ZNF254: variants seen among roughly 807,000 people sequenced by gnomAD.
ZNF254 encodes the protein zinc finger protein 254.
ZNF254 carries 10 observed loss-of-function variants against 12.4 expected under a neutral mutation model. The ratio of observed to expected loss-of-function variants is 0.80; its 90% CI spans 0.50 to 1.36. The LOEUF is 1.36. ZNF254 is among the 40% of genes most tolerant of loss of function. The pLI, the probability that ZNF254 is intolerant of heterozygous loss-of-function variation, is 0.00. For missense variants in ZNF254, 996 were observed against 763.9 expected (o/e 1.30, Z -3.58); for synonymous variants, 305 against 253.4 (o/e 1.20, Z -1.93).
Position 24,058,227 on chromosome 19 carries a change from C to G in ZNF254, c.-94+11948C>G, listed in dbSNP as rs571477430. ...TGTGACACATGCCTCTGTGTAGAAC[C>G]CAAGTGAGTTTTCTCTCCTGTTTGG... On this transcript the variant is annotated intron_variant, in intron 2 of 4. Coordinates refer to the ZNF254 transcript ENST00000613065. Among the ~76,000 whole-genome samples the G allele has an allele frequency of 8.6e-5, 13 of 152,024 alleles. No homozygotes were observed. The South Asian group carries it at 2.1e-3, about 24-fold the overall frequency.
chr19:24,069,641 G>A lies in ZNF254; in HGVS notation c.-94+23362G>A, dbSNP rs191408979. ...AAAAAAAAAAAAGAATATTCTGCCAGGTGTGGTGGCTCACACCTGTAATCT... is the reference window on the plus strand; with the variant it reads ...AAAAAAAAAAAAGAATATTCTGCCAAGTGTGGTGGCTCACACCTGTAATCT... On this transcript the variant is annotated intron_variant, in intron 2 of 4. Transcript: ENST00000613065. Among the ~76,000 whole-genome samples the A allele has an allele frequency of 3.4e-3, 501 of 149,182 alleles. 6 individuals carry two copies. The highest frequency in any genetic ancestry group is 4.2e-3 in the Non-Finnish European group (283 of 67,430).
At chr19:24,061,059 G>A (rs764325459) in intron 2 of ZNF254, among the ~76,000 whole-genome samples, 1 of 152,042 alleles carries the variant, frequency 6.6e-6, no homozygotes, top group African/African-American at 2.4e-5. Context: ...TGTCACAGAA[G>A]GTATTGTGAT....
At chr19:24,104,902 A>G (rs1045818362) in intron 1 of ZNF254, 1 of 152,220 alleles carries the variant, frequency 6.6e-6, no homozygotes, top group African/African-American at 2.4e-5. Context: ...AAAGCTCTGA[A>G]AAAATTATCA....
intron 3 of ZNF254, among the ~76,000 whole-genome samples, chr19:24,111,029 G>A (rs1218489547): frequency 2.0e-5 from 3 of 151,766 alleles, no homozygotes; most frequent in Admixed American, 6.6e-5. Context: ...GTATACATGT[G>A]CCATGCTGGT....
intron 1 of ZNF254, among the ~76,000 whole-genome samples, chr19:24,097,316 A>C (rs2145727546): frequency 6.6e-6 from 1 of 152,342 alleles, no homozygotes; most frequent in Non-Finnish European, 1.5e-5. Flanking sequence ...CAGAATTATA[A>C]AGATTAAAAG....
chr19:24,061,728 C>T (rs894424239), intron 2 of ZNF254, among the ~76,000 whole-genome samples: 2 of 152,138 alleles, frequency 1.3e-5, no homozygotes, highest in Admixed American at 6.6e-5. Context: ...GATGGTGACT[C>T]TAATACCTCC....
chr19:24,087,650 G>A (rs937373860), intron 1 of ZNF254, among the ~76,000 whole-genome samples: 1 of 152,170 alleles, frequency 6.6e-6, no homozygotes, highest in Non-Finnish European at 1.5e-5. Flanking sequence ...CCTGACTCGG[G>A]TTGCGGGTTC....
intron 1 of ZNF254, chr19:24,105,671 G>A: frequency 3.2e-6 from 1 of 311,708 alleles, no homozygotes; most frequent in South Asian, 3.2e-5. Context: ...ACTCAAAAAT[G>A]TATGTTAGTG....
intron 3 of ZNF254, among the ~76,000 whole-genome samples, chr19:24,111,352 T>C (rs1302763786): frequency 6.6e-6 from 1 of 152,168 alleles, no homozygotes; most frequent in Non-Finnish European, 1.5e-5. Flanking sequence ...CAGTGTATCA[T>C]TGTTGGACAT....
chr19:24,127,296 A>G lies in ZNF254; in HGVS notation c.1296A>G (p.Lys432=), dbSNP rs1161250502. 2.5e-6 allele frequency: 4 copies of G among 1,613,630 alleles called. No homozygotes were observed. Among genetic ancestry groups the G allele is most frequent in the Non-Finnish European group, 3.4e-6 (4 of 1,179,826 alleles). ...TTHKIIHTGE[K]PYKCEECGKA... ...ATAAGATAATTCATACTGGAGAGAA[A>G]CCTTACAAGTGTGAAGAATGTGGCA... Residue 432 remains lysine, a synonymous_variant, in exon 4 of 4, where the codon AAA becomes AAG. Coordinates refer to ENST00000357002, the MANE Select transcript of ZNF254 (RefSeq NM_203282.4).
intron 1 of ZNF254, among the ~76,000 whole-genome samples, chr19:24,092,893 T>C (rs1333263635): frequency 6.6e-6 from 1 of 152,230 alleles, no homozygotes; most frequent in Non-Finnish European, 1.5e-5. Context: ...CACACTGCTT[T>C]TTACAATGGT....
intron 2 of ZNF254, among the ~76,000 whole-genome samples, chr19:24,064,304 T>C (rs1971188546): frequency 6.6e-6 from 1 of 152,116 alleles, no homozygotes; most frequent in African/African-American, 2.4e-5. Flanking sequence ...TTGTGACGTA[T>C]CTCTAGGCTT....
chr19:24,068,257 T>C (rs1231170170), intron 2 of ZNF254, among the ~76,000 whole-genome samples: 1 of 151,840 alleles, frequency 6.6e-6, no homozygotes, highest in East Asian at 1.9e-4. Flanking sequence ...AACATATCAC[T>C]GGGCCCAGCA....
At chr19:24,041,593 C>T (rs1433979281) in intron 1 of ZNF254, among the ~76,000 whole-genome samples, 2 of 152,250 alleles carry the variant, frequency 1.3e-5, no homozygotes, top group Non-Finnish European at 2.9e-5. Flanking sequence ...GCCTGAGCCT[C>T]CCACCCACTC....
intron 1 of ZNF254, among the ~76,000 whole-genome samples, chr19:24,097,761 A>G (rs184081072): frequency 6.7e-6 from 1 of 149,886 alleles, no homozygotes; most frequent in East Asian, 1.9e-4. Flanking sequence ...ACCCTGGGCA[A>G]CAAAAGCAAA....
intron 1 of ZNF254, among the ~76,000 whole-genome samples, chr19:24,038,806 C>G (rs76920684): frequency 0.16 from 24,093 of 152,086 alleles, 2,060 homozygotes; most frequent in Middle Eastern, 0.23. Flanking sequence ...ACGAAAATTA[C>G]TACAGGGCAA....
At chr19:24,074,662 T>G (rs1254486072) in intron 2 of ZNF254, among the ~76,000 whole-genome samples, 2 of 152,220 alleles carry the variant, frequency 1.3e-5, no homozygotes, top group African/African-American at 2.4e-5. Context: ...GATGTGACTC[T>G]ACTCTTCTTT....
chr19:24,048,279 G>T (rs1359186551), intron 2 of ZNF254, among the ~76,000 whole-genome samples: 1 of 152,146 alleles, frequency 6.6e-6, no homozygotes, highest in Non-Finnish European at 1.5e-5. Context: ...GGCCACTGAG[G>T]TGGGCCACCT....
intron 1 of ZNF254, among the ~76,000 whole-genome samples, chr19:24,039,658 T>C (rs957019853): frequency 2.0e-5 from 3 of 152,152 alleles, no homozygotes; most frequent in African/African-American, 4.8e-5. Flanking sequence ...TTATTATTAT[T>C]TGCCATTAGA....
Sources: allele counts gnomAD v4.1 joint callset (sites outside exome capture counted in the v4.1 genomes callset), GRCh38; gene constraint gnomAD v4.1.1; transcripts MANE v1.5; gene names NCBI Gene and HGNC (gene_info 2026-07-23, HGNC 2026-07-21).